The following FBXO34 variants were observed in gnomAD, a reference collection of about 807,000 sequenced individuals.
FBXO34 encodes the protein F-box protein 34.
In FBXO34, 12 loss-of-function variants were observed where a neutral mutation model predicts 24.5. That is an observed-to-expected ratio of 0.49 (90% confidence interval 0.31 to 0.79). The LOEUF (loss-of-function observed/expected upper bound fraction) is 0.79, where lower values mean the gene tolerates loss of function less well. Ranked by LOEUF, FBXO34 falls within the 30% of genes least tolerant of loss-of-function variation. FBXO34 has a pLI of 0.04. For missense variants in FBXO34, 823 were observed against 857.7 expected (o/e 0.96, Z 0.51); for synonymous variants, 320 against 311.9 (o/e 1.03, Z -0.27).
rs766615670 is a variant in FBXO34, at chr14:55,292,235, T to A, written c.-11+20698T>A. Among the ~76,000 whole-genome samples, 248 of 152,208 alleles carry A rather than the reference T, an allele frequency of 1.6e-3. 1 individual carries two copies. Among genetic ancestry groups the A allele is most frequent in the Non-Finnish European group, 1.8e-3 (123 of 68,042 alleles). ...GATATGTATTCTGCTTAAACTGTAATTTTTTAAATAGAATGTTAAGTGTCC... is the reference window on the plus strand; with the variant it reads ...GATATGTATTCTGCTTAAACTGTAAATTTTTAAATAGAATGTTAAGTGTCC... On this transcript the variant is annotated intron_variant, in intron 1 of 1. Transcript: ENST00000313833.
downstream of FBXO34, among the ~76,000 whole-genome samples, chr14:55,355,493 T>A (rs1419080000): frequency 6.6e-6 from 1 of 152,206 alleles, no homozygotes; most frequent in Non-Finnish European, 1.5e-5. Flanking sequence ...GCCTCAGATT[T>A]AAAATACTCA....
downstream of FBXO34, chr14:55,370,077 A>AT (rs1009963478): frequency 3.2e-6 from 2 of 621,014 alleles, no homozygotes; most frequent in African/African-American, 3.6e-5. Context: ...GTGTTGACAT[A>AT]TGATTGCGTT....
chr14:55,316,712 G>A (rs1204506944), intron 1 of FBXO34, among the ~76,000 whole-genome samples: 1 of 144,262 alleles, frequency 6.9e-6, no homozygotes, highest in African/African-American at 2.6e-5. Flanking sequence ...GGGCAACAGA[G>A]CAGGAACATC....
At chr14:55,338,544 T>C (rs552193041) in intron 1 of FBXO34, among the ~76,000 whole-genome samples, 1 of 152,164 alleles carries the variant, frequency 6.6e-6, no homozygotes, top group Non-Finnish European at 1.5e-5. Context: ...TATTCTAGAA[T>C]AAAAACAAGT....
At chr14:55,418,421 T>C in the FBXO34 span, among the ~76,000 whole-genome samples, 1 of 152,240 alleles carries the variant, frequency 6.6e-6, no homozygotes, top group Non-Finnish European at 1.5e-5. Context: ...GCACATATTT[T>C]CCCGAGTGAT....
chr14:55,369,777 G>A, downstream of FBXO34: 1 of 1,614,188 alleles, frequency 6.2e-7, no homozygotes, highest in Non-Finnish European at 8.5e-7. Flanking sequence ...CAAAACCGGG[G>A]ACTAGGCAAG....
At chr14:55,391,019 C>T in the FBXO34 span, 2 of 1,527,104 alleles carry the variant, frequency 1.3e-6, no homozygotes, top group African/African-American at 1.4e-5. Flanking sequence ...ATAAATATCA[C>T]AAACGTTGGT....
At chr14:55,280,982 G>A (rs1431905229) in intron 1 of FBXO34, among the ~76,000 whole-genome samples, 1 of 151,880 alleles carries the variant, frequency 6.6e-6, no homozygotes, top group Non-Finnish European at 1.5e-5. Flanking sequence ...AAAAGAAACA[G>A]GTGAAAAATA....
intron 1 of FBXO34, among the ~76,000 whole-genome samples, chr14:55,347,212 A>C (rs1026213739): frequency 1.2e-4 from 18 of 152,194 alleles, no homozygotes; most frequent in African/African-American, 4.3e-4. Context: ...GCAACCATGG[A>C]AACCTAGCTG....
At chr14:55,377,694 C>G in the FBXO34 span, 2 of 576,068 alleles carry the variant, frequency 3.5e-6, no homozygotes, top group Non-Finnish European at 3.0e-6. Flanking sequence ...CTGTATTGGA[C>G]TCCACTATTT....
chr14:55,298,577 T>TGGAGGCGGAGGAGGGCG (rs1372237493), intron 1 of FBXO34: 4 of 746,890 alleles, frequency 5.4e-6, no homozygotes, highest in Non-Finnish European at 6.6e-6. Flanking sequence ...TTTGGCAGGG[T>TGGAGGCGGAGGAGGGCG]GGAGGCGGAG....
downstream of FBXO34, among the ~76,000 whole-genome samples, chr14:55,370,339 TGTAATAA>T (rs1884785908): frequency 1.3e-5 from 2 of 152,292 alleles, no homozygotes; most frequent in East Asian, 1.9e-4. Flanking sequence ...TATTATTTAG[TGTAATAA>T]GTAATAAATG....
At chr14:55,367,769 C>T (rs562439915) in exon 3 of FBXO34, 12 of 151,764 alleles carry the variant, frequency 7.9e-5, no homozygotes, top group African/African-American at 1.4e-4. Flanking sequence ...CCACCCACAA[C>T]GAGAAAAGCC....
the FBXO34 span, among the ~76,000 whole-genome samples, chr14:55,396,969 T>G: frequency 1.3e-5 from 2 of 152,202 alleles, no homozygotes; most frequent in African/African-American, 4.8e-5. Flanking sequence ...TAATGAATTC[T>G]GATACAGGTA....
chr14:55,402,970 A>ATATATATAT, the FBXO34 span, among the ~76,000 whole-genome samples: 70 of 69,454 alleles, frequency 1.0e-3, no homozygotes, highest in Non-Finnish European at 1.7e-3. Flanking sequence ...TATATATATA[A>ATATATATAT]ATAGCTGGGC....
At chr14:55,422,442 G>A in the FBXO34 span, among the ~76,000 whole-genome samples, 1 of 152,108 alleles carries the variant, frequency 6.6e-6, no homozygotes, top group Non-Finnish European at 1.5e-5. Context: ...GTAGAGACAG[G>A]GTTTCACCAT....
At chr14:55,285,767 C>CGAACACTTGTTGAACT (rs767785628) in intron 1 of FBXO34, among the ~76,000 whole-genome samples, 2 of 152,096 alleles carry the variant, frequency 1.3e-5, no homozygotes, top group Non-Finnish European at 2.9e-5. Flanking sequence ...TTCCTTTAAC[C>CGAACACTTGTTGAACT]GAACACTTGT....
At chr14:55,415,159 T>A in the FBXO34 span, among the ~76,000 whole-genome samples, 1 of 152,198 alleles carries the variant, frequency 6.6e-6, no homozygotes, top group Non-Finnish European at 1.5e-5. Flanking sequence ...GTGCTAAGGG[T>A]CATGTACTTG....
At chr14:55,367,908 T>C (rs1884718095) in exon 3 of FBXO34, 3 of 152,544 alleles carry the variant, frequency 2.0e-5, no homozygotes, top group Admixed American at 1.3e-4. Flanking sequence ...AAAAGCTATA[T>C]AGCACCTCGG....
Sources: gnomAD v4.1 joint callset for allele counts (sites outside exome capture counted in the v4.1 genomes callset) on GRCh38, gnomAD v4.1.1 for gene constraint, MANE v1.5 for transcripts, NCBI Gene and HGNC (gene_info 2026-07-23, HGNC 2026-07-21) for gene names.